The following ZNF608 variants were observed in gnomAD, a reference collection of about 807,000 sequenced individuals.
The protein encoded by ZNF608 is zinc finger protein 608, also known as renal carcinoma antigen NY-REN-36.
In ZNF608, 12 loss-of-function variants were observed where a neutral mutation model predicts 109.0. The ratio of observed to expected loss-of-function variants is 0.11; its 90% CI spans 0.07 to 0.18. ZNF608 has a LOEUF of 0.18. Among genes scored for constraint, ZNF608 ranks in the 10% least tolerant of loss-of-function variants. The probability of loss-of-function intolerance (pLI) is 1.00; values close to 1 mark genes in which losing one functional copy is unlikely to be tolerated. For synonymous variants in ZNF608, 732 were observed against 717.4 expected (o/e 1.02, Z -0.33); for missense variants, 1,707 against 1,879.3 (o/e 0.91, Z 1.70).
intron 3 of ZNF608, among the ~76,000 whole-genome samples, chr5:124,652,543 C>T (rs184328385): frequency 1.3e-5 from 2 of 152,194 alleles, no homozygotes; most frequent in Non-Finnish European, 2.9e-5. Context: ...CGAATATATA[C>T]AGGCACATGT....
intron 2 of ZNF608, chr5:124,734,932 T>C (rs1474799569): frequency 2.0e-5 from 3 of 152,254 alleles, no homozygotes; most frequent in Admixed American, 6.5e-5. Flanking sequence ...CTTAAACATA[T>C]GCAATACATT....
intron 3 of ZNF608, among the ~76,000 whole-genome samples, chr5:124,660,327 G>A (rs1751199455): frequency 6.6e-6 from 1 of 152,192 alleles, no homozygotes. Flanking sequence ...ACCAGACTCA[G>A]TTTCACCTTT....
intron 3 of ZNF608, among the ~76,000 whole-genome samples, 188 bp from the exon 4 acceptor site, chr5:124,649,885 G>A (rs1211411723): frequency 6.6e-6 from 1 of 152,220 alleles, no homozygotes; most frequent in African/African-American, 2.4e-5. Flanking sequence ...AGGAAATAAT[G>A]TGTGTTGTGC....
rs867645625 is a variant in ZNF608 at position 124,711,623 on chromosome 5, G to C, written c.907-10354C>G. On this transcript the variant is annotated intron_variant, in intron 2 of 9. Transcript: ENST00000513986. ...TGCCGTTTAAGCCGCCTCACTGTTG[G>C]GGAAGTCATTCCTTCATCCAACAAG... Among the ~76,000 whole-genome samples, 3 of 152,296 alleles carry C rather than the reference G, an allele frequency of 2.0e-5. 1 individual carries two copies. In the South Asian group the frequency reaches 6.2e-4, roughly 32 times the overall value.
Position 124,647,374 on chromosome 5 carries a change from A to T in ZNF608, c.3010T>A (p.Tyr1004Asn). The T allele has an allele frequency of 6.2e-7, 1 of 1,614,240 alleles. No individual in the cohort carries two copies. The change falls in exon 5 of 10, where the codon TAT becomes AAT. Residue 1004 changes from tyrosine (Y) to asparagine (N), a missense_variant. Coordinates refer to ENST00000513986, the MANE Select transcript of ZNF608 (RefSeq NM_020747.3). ...SPYYHSYDPY[Y>N]SPSYMHPGQV... ...CCAGGGTGCATGTAACTTGGAGAAT[A>T]ATAAGGATCATAGCTGTGGTAATAG...
Position 124,744,778 on chromosome 5 carries a change from CTGGAGG to C in ZNF608, c.206_211del (p.Ala69_Ser71delinsGly). The stretch of plus-strand genomic sequence containing the variant: ...TAAGGCTGCGGTAGCACCAGCCCCA[CTGGAGG>C]CCGGACCTCCACAATCCTTGGAGTT... On this transcript the variant is annotated inframe_deletion, in exon 2 of 10. Coordinates refer to ENST00000513986, the MANE Select transcript of ZNF608 (RefSeq NM_020747.3). The surrounding 1 kb of genome is among the most constrained non-coding windows in gnomAD (Gnocchi z 4.5). The C allele has an allele frequency of 5.0e-6, 8 of 1,614,248 alleles. No individual in the cohort carries two copies. In the Middle Eastern group the frequency reaches 1.3e-3, roughly 266 times the overall value.
Position 124,744,231 on chromosome 5 carries a change from C to A in ZNF608, c.759G>T (p.Gly253=). 6.2e-7 allele frequency: 1 copy of A among 1,613,872 alleles called. No homozygotes were observed. The highest frequency in any genetic ancestry group is 8.5e-7 in the Non-Finnish European group (1 of 1,179,986). ...CGGCGACGCTGCCACTCCCAGTGCCCCCGCAGTGGAAGGGGCTCGCGCCAC... is the reference window on the plus strand; with the variant it reads ...CGGCGACGCTGCCACTCCCAGTGCCACCGCAGTGGAAGGGGCTCGCGCCAC... The part of the protein sequence containing the change: ...NGGGASPFHC[G]GTGSGSVAAA... The change falls in exon 2 of 10, where the codon GGG becomes GGT. Residue 253 remains glycine, a synonymous_variant. Coordinates refer to ENST00000513986, the MANE Select transcript of ZNF608 (RefSeq NM_020747.3). This position sits in a 1 kb window ranked among gnomAD's most constrained non-coding sequence, Gnocchi z 4.5.
chr5:124,671,606 A>C lies in ZNF608; in HGVS notation c.1163-21909T>G, dbSNP rs145239401. 4.6e-5 allele frequency among the ~76,000 whole-genome samples: 7 copies of C among 152,032 alleles called. No individual in the cohort carries two copies. The East Asian group carries it at 1.4e-3, about 29-fold the overall frequency. ...AGAAACTAGGCTCATCTTTGGGGCT[A>C]AGAAACAGGCACATCATACTGTCCT... On this transcript the variant is annotated intron_variant, in intron 3 of 9. Transcript: ENST00000513986.
At position 124,637,905 on chromosome 5, in the gene ZNF608, C is replaced by G. The variant is rs1193867214; in HGVS notation, c.4534G>C (p.Glu1512Gln). The G allele has an allele frequency of 6.2e-7, 1 of 1,611,722 alleles. No homozygotes were observed. The change falls in exon 10 of 10, where the codon GAA becomes CAA. Residue 1512 changes from glutamate to glutamine, a missense_variant and splice_region_variant. Around this residue, in one of 7 missense-constraint regions of ZNF608, gnomAD observed 1,073 missense variants for 1,133.5 expected, o/e 0.95. Coordinates refer to ENST00000513986, the MANE Select transcript of ZNF608 (RefSeq NM_020747.3). ...ASGMFPGQRR[E>Q] ...AATGTACATGTCCAATCTTGTTATT[C>G]TCTGCAAAAGAAAAGCAAACCTTAG...
chr5:124,730,484 C>T (rs1008106847), intron 2 of ZNF608, among the ~76,000 whole-genome samples: 14 of 152,174 alleles, frequency 9.2e-5, no homozygotes, highest in African/African-American at 3.4e-4. Context: ...TGCAGATGTA[C>T]TGACTCCAGG....
intron 2 of ZNF608, among the ~76,000 whole-genome samples, chr5:124,712,166 C>T (rs1753519346): frequency 6.6e-6 from 1 of 152,022 alleles, no homozygotes; most frequent in African/African-American, 2.4e-5. Flanking sequence ...AAAAAGAAGC[C>T]ATTGCAGTAC....
intron 2 of ZNF608, among the ~76,000 whole-genome samples, chr5:124,714,106 C>T (rs529718266): frequency 3.9e-5 from 6 of 152,128 alleles, no homozygotes; most frequent in Non-Finnish European, 7.4e-5. Flanking sequence ...CCTCCCTTCA[C>T]GGAGCTGACA....
rs114973899 is a variant in ZNF608 at position 124,655,734 on chromosome 5, C to T, written c.1163-6037G>A. Among the ~76,000 whole-genome samples, 1,140 of 152,274 alleles carry T rather than the reference C, an allele frequency of 7.5e-3. 16 individuals are homozygous for T. The highest frequency in any genetic ancestry group is 0.025 in the African/African-American group (1,029 of 41,552). ...TATGATTTATCACCATTTCTTTGTT[C>T]AGGACTCCCTCCCCCCATTATTATG... On this transcript the variant is annotated intron_variant, in intron 3 of 9. Coordinates refer to ENST00000513986, the MANE Select transcript of ZNF608 (RefSeq NM_020747.3).
intron 2 of ZNF608, among the ~76,000 whole-genome samples, chr5:124,715,943 A>G (rs1298033540): frequency 1.3e-5 from 2 of 152,198 alleles, no homozygotes; most frequent in African/African-American, 2.4e-5. Context: ...GGAGATGGAG[A>G]CCATCCTGGC....
intron 3 of ZNF608, among the ~76,000 whole-genome samples, chr5:124,686,157 G>A (rs1163305697): frequency 1.3e-5 from 2 of 152,162 alleles, no homozygotes; most frequent in Non-Finnish European, 2.9e-5. Flanking sequence ...CTTCTGAATC[G>A]TGGAAGATTA....
At chr5:124,655,398 C>T (rs774129180) in intron 3 of ZNF608, among the ~76,000 whole-genome samples, 2 of 152,178 alleles carry the variant, frequency 1.3e-5, no homozygotes, top group Non-Finnish European at 2.9e-5. Flanking sequence ...CCAAGCATCG[C>T]AAATGCTGAG....
At chr5:124,701,628 TTA>T (rs1212607349) in intron 2 of ZNF608, among the ~76,000 whole-genome samples, 1 of 152,126 alleles carries the variant, frequency 6.6e-6, no homozygotes, top group African/African-American at 2.4e-5. Context: ...ACTTTAAAAA[TTA>T]TAACAGTTTC....
chr5:124,703,682 C>A (rs551726405), intron 2 of ZNF608, among the ~76,000 whole-genome samples: 2 of 152,200 alleles, frequency 1.3e-5, no homozygotes, highest in Admixed American at 1.3e-4. Flanking sequence ...GTGGGAGGAA[C>A]AACTGAGCCC....
intron 2 of ZNF608, among the ~76,000 whole-genome samples, chr5:124,725,535 G>C (rs1042870856): frequency 2.0e-5 from 3 of 152,090 alleles, no homozygotes; most frequent in African/African-American, 4.8e-5. Context: ...TATTTTTGCT[G>C]TCAGAACACA....
Sources: allele counts gnomAD v4.1 joint callset (sites outside exome capture counted in the v4.1 genomes callset), GRCh38; gene constraint gnomAD v4.1.1; regional missense constraint gnomAD v4.1.1; non-coding constraint Gnocchi (gnomAD v3.1); transcripts MANE v1.5; gene names NCBI Gene and HGNC (gene_info 2026-07-23, HGNC 2026-07-21).